SLC4A4: variants seen among roughly 807,000 people sequenced by gnomAD.
The protein encoded by SLC4A4 is electrogenic sodium bicarbonate cotransporter 1.
Under a neutral mutation model 111.5 loss-of-function variants are expected in SLC4A4, and 27 were observed. The observed-to-expected ratio is 0.24, with a 90% CI of 0.18 to 0.33. The LOEUF is 0.33. Among genes scored for constraint, SLC4A4 ranks in the 10% least tolerant of loss-of-function variants. The pLI, the probability that SLC4A4 is intolerant of heterozygous loss-of-function variation, is 1.00. For missense variants in SLC4A4, 909 were observed against 1,315.5 expected (o/e 0.69, Z 4.78); for synonymous variants, 443 against 463.4 (o/e 0.96, Z 0.57).
chr4:71,425,455 C>G (rs1723036226), intron 7 of SLC4A4, among the ~76,000 whole-genome samples: 1 of 152,102 alleles, frequency 6.6e-6, no homozygotes, highest in African/African-American at 2.4e-5. Flanking sequence ...GTGGGAAAAA[C>G]TCCTGTCTTG....
chr4:71,241,805 G>A (rs1489664789), intron 2 of SLC4A4, among the ~76,000 whole-genome samples: 1 of 152,224 alleles, frequency 6.6e-6, no homozygotes, highest in African/African-American at 2.4e-5. Flanking sequence ...AAGAAATACA[G>A]TGAGGTTTTT....
At chr4:71,191,641 T>A (rs1287405083) in intron 1 of SLC4A4, among the ~76,000 whole-genome samples, 10 of 152,228 alleles carry the variant, frequency 6.6e-5, no homozygotes, top group Non-Finnish European at 1.2e-4. Flanking sequence ...CAGTGCCCAC[T>A]TGCCGCAACT....
At chr4:71,531,190 T>A (rs188781649) in intron 16 of SLC4A4, among the ~76,000 whole-genome samples, 23 of 152,188 alleles carry the variant, frequency 1.5e-4, no homozygotes, top group Admixed American at 3.3e-4. Context: ...TACAGAACAA[T>A]CTCAAGCAAA....
intron 2 of SLC4A4, among the ~76,000 whole-genome samples, chr4:71,132,499 T>C (rs1474575893): frequency 1.3e-5 from 2 of 152,220 alleles, no homozygotes; most frequent in South Asian, 2.1e-4. Flanking sequence ...TACTACCTCC[T>C]GGACAATACT....
chr4:71,190,385 TACACACACACACACACACAC>T (rs5859253), intron 1 of SLC4A4, among the ~76,000 whole-genome samples: 11 of 143,676 alleles, frequency 7.7e-5, no homozygotes, highest in African/African-American at 1.5e-4. Flanking sequence ...TATGTATGTT[TACACACACACACACACACAC>T]ACACACACAC....
At chr4:71,188,085 A>G (rs551410825) in intron 1 of SLC4A4, among the ~76,000 whole-genome samples, 1 of 152,288 alleles carries the variant, frequency 6.6e-6, no homozygotes, top group Non-Finnish European at 1.5e-5. Context: ...AGTCTTGGCA[A>G]AGAGAGGTGA....
intron 3 of SLC4A4, among the ~76,000 whole-genome samples, chr4:71,326,849 T>C (rs1384091162): frequency 1.3e-5 from 2 of 152,030 alleles, no homozygotes; most frequent in Non-Finnish European, 2.9e-5. Flanking sequence ...TTAACAACCA[T>C]GATATCTACC....
intron 1 of SLC4A4, among the ~76,000 whole-genome samples, chr4:71,091,467 G>A (rs71599983): frequency 0.092 from 13,903 of 151,602 alleles, 791 homozygotes; most frequent in African/African-American, 0.16. Context: ...GTTAGCCATG[G>A]TGGTCTCGAT....
At chr4:71,279,196 T>C (rs886111995) in intron 3 of SLC4A4, among the ~76,000 whole-genome samples, 3 of 152,196 alleles carry the variant, frequency 2.0e-5, no homozygotes, top group East Asian at 1.9e-4. Flanking sequence ...TCCTGTCTAA[T>C]TGAAATTTTG....
intron 2 of SLC4A4, among the ~76,000 whole-genome samples, chr4:71,102,369 T>G (rs1742774623): frequency 6.7e-6 from 1 of 150,362 alleles, no homozygotes; most frequent in Admixed American, 6.6e-5. Context: ...CCAGGAGAAC[T>G]TCCCCAATCT....
intron 2 of SLC4A4, among the ~76,000 whole-genome samples, chr4:71,134,080 C>T (rs1360638869): frequency 6.6e-6 from 1 of 151,984 alleles, no homozygotes; most frequent in East Asian, 1.9e-4. Context: ...ATCATCTTAC[C>T]CCAAAGTTGA....
chr4:71,323,782 G>T (rs918103041), intron 3 of SLC4A4, among the ~76,000 whole-genome samples: 4 of 151,680 alleles, frequency 2.6e-5, no homozygotes, highest in African/African-American at 9.7e-5. Flanking sequence ...TTTGTCTCCT[G>T]GTTTTGTTTT....
chr4:71,389,992 C>T (rs1018944561), intron 6 of SLC4A4, among the ~76,000 whole-genome samples: 1 of 152,180 alleles, frequency 6.6e-6, no homozygotes, highest in African/African-American at 2.4e-5. Flanking sequence ...CACCTTCTGA[C>T]TGATGATATG....
At chr4:71,331,975 G>A (rs999736352) in intron 3 of SLC4A4, among the ~76,000 whole-genome samples, 8 of 152,098 alleles carry the variant, frequency 5.3e-5, no homozygotes, top group East Asian at 3.9e-4. Context: ...ATAGTTGCTC[G>A]TAGTAGTTTG....
At chr4:71,187,717 G>T (rs2148992117) in intron 1 of SLC4A4, among the ~76,000 whole-genome samples, 1 of 152,368 alleles carries the variant, frequency 6.6e-6, no homozygotes, top group Non-Finnish European at 1.5e-5. Context: ...TGCGGGGCCA[G>T]TTCTGCGGCG....
At chr4:71,291,842 G>A (rs1215846992) in intron 3 of SLC4A4, among the ~76,000 whole-genome samples, 1 of 152,122 alleles carries the variant, frequency 6.6e-6, no homozygotes, top group Non-Finnish European at 1.5e-5. Flanking sequence ...TTATCAAATT[G>A]TGAATGAGTT....
intron 3 of SLC4A4, among the ~76,000 whole-genome samples, chr4:71,319,746 C>T (rs924219102): frequency 6.6e-6 from 1 of 151,864 alleles, no homozygotes; most frequent in Non-Finnish European, 1.5e-5. Context: ...CATGGATGTA[C>T]CTTTAGTATT....
intron 2 of SLC4A4, among the ~76,000 whole-genome samples, chr4:71,148,109 G>A (rs1319661219): frequency 1.3e-5 from 2 of 152,136 alleles, no homozygotes; most frequent in Admixed American, 6.5e-5. Context: ...AAAGATCACC[G>A]ACCCCACTAC....
chr4:71,309,019 C>T (rs1420953219), intron 3 of SLC4A4, among the ~76,000 whole-genome samples: 1 of 152,198 alleles, frequency 6.6e-6, no homozygotes, highest in Non-Finnish European at 1.5e-5. Flanking sequence ...CTGAAGTCGA[C>T]CTGGGACGCT....
Sources: allele counts gnomAD v4.1 joint callset (sites outside exome capture counted in the v4.1 genomes callset), GRCh38; gene constraint gnomAD v4.1.1; transcripts MANE v1.5; gene names NCBI Gene and HGNC (gene_info 2026-07-23, HGNC 2026-07-21).